The following OPRM1 variants were observed in gnomAD, a reference collection of about 807,000 sequenced individuals.
OPRM1 encodes mu-type opioid receptor.
In OPRM1, 27 loss-of-function variants were observed where a neutral mutation model predicts 31.8. The ratio of observed to expected loss-of-function variants is 0.85; its 90% CI spans 0.63 to 1.17. OPRM1 has a LOEUF of 1.17. OPRM1 is among the 50% of genes most tolerant of loss of function. The probability of loss-of-function intolerance (pLI) is 0.00; values close to 1 mark genes in which losing one functional copy is unlikely to be tolerated. For synonymous variants in OPRM1, 196 were observed against 189.9 expected, an observed-to-expected ratio of 1.03 and a Z score of -0.26; for missense variants, 536 against 511.1, an observed-to-expected ratio of 1.05 and a Z score of -0.47.
intron 3 of OPRM1, among the ~76,000 whole-genome samples, chr6:154,099,413 AG>A (rs1282286185): frequency 6.6e-5 from 5 of 76,234 alleles, no homozygotes; most frequent in South Asian, 1.6e-3. Context: ...AGAAAGAAAG[AG>A]AGAAAGAGAA....
intron 1 of OPRM1, among the ~76,000 whole-genome samples, chr6:154,062,001 C>T (rs1196615434): frequency 1.3e-5 from 2 of 151,966 alleles, no homozygotes; most frequent in Non-Finnish European, 2.9e-5. Flanking sequence ...TTGTCTTTAG[C>T]TAGGAAAAGT....
chr6:154,152,374 AAG>A (rs1798556046), intron 3 of OPRM1, among the ~76,000 whole-genome samples: 1 of 149,816 alleles, frequency 6.7e-6, no homozygotes, highest in East Asian at 1.9e-4. Flanking sequence ...GAAAGAAAGA[AAG>A]AAAGAAAGAA....
chr6:154,023,716 T>G (rs1778520782), intron 1 of OPRM1, among the ~76,000 whole-genome samples: 1 of 152,152 alleles, frequency 6.6e-6, no homozygotes, highest in Non-Finnish European at 1.5e-5. Flanking sequence ...TGTCGAGGTA[T>G]GTTCCTTCTA....
intron 3 of OPRM1, among the ~76,000 whole-genome samples, chr6:154,140,192 G>A (rs1798160808): frequency 6.6e-6 from 1 of 152,122 alleles, no homozygotes; most frequent in African/African-American, 2.4e-5. Flanking sequence ...CGCAACAAAA[G>A]AACCACAGCT....
rs182761901 is a variant in OPRM1 at position 154,118,783 on chromosome 6, G to T, written c.*62G>T. The T allele has an allele frequency of 2.5e-5, 40 of 1,605,506 alleles. No individual in the cohort carries two copies. The East Asian group carries it at 8.3e-4, about 33-fold the overall frequency. On this transcript the variant is annotated 3_prime_UTR_variant, in exon 4 of 4. Coordinates refer to ENST00000330432, the MANE Select transcript of OPRM1 (RefSeq NM_000914.5). ...GAAGCCACCATGTATGTGGAAGCAG[G>T]TTGCTTCAAGAATGTGTAGGAGGCT...
At chr6:154,092,324 T>C (rs1792454319) in intron 3 of OPRM1, among the ~76,000 whole-genome samples, 2 of 152,342 alleles carry the variant, frequency 1.3e-5, no homozygotes, top group East Asian at 3.9e-4. Flanking sequence ...ATTTGACCTC[T>C]GATCTATAAA....
chr6:154,093,644 A>T, intron 3 of OPRM1: 1 of 1,027,794 alleles, frequency 9.7e-7, no homozygotes, highest in Non-Finnish European at 1.3e-6. Flanking sequence ...TCTATGAAGC[A>T]GTATCAGTGT....
chr6:154,034,750 G>GGGCT (rs1779203911), upstream of OPRM1, among the ~76,000 whole-genome samples: 1 of 152,052 alleles, frequency 6.6e-6, no homozygotes, highest in Non-Finnish European at 1.5e-5. Context: ...AAGTGATAAG[G>GGGCT]GGCTGTACTA....
chr6:154,095,968 G>A (rs1473601215), intron 3 of OPRM1, among the ~76,000 whole-genome samples: 1 of 152,108 alleles, frequency 6.6e-6, no homozygotes, highest in Non-Finnish European at 1.5e-5. Flanking sequence ...TGAACTGTTG[G>A]CCACTGCTAA....
At chr6:154,069,546 G>A (rs1343379867) in intron 1 of OPRM1, among the ~76,000 whole-genome samples, 1 of 152,146 alleles carries the variant, frequency 6.6e-6, no homozygotes, top group African/African-American at 2.4e-5. Context: ...CCTGGCCTGT[G>A]CTTTTAAGGT....
Position 154,090,945 on chromosome 6 carries a change from C to G in OPRM1, c.644-7C>G. On this transcript the variant is annotated splice_polypyrimidine_tract_variant and splice_region_variant and intron_variant, in intron 2 of 3. Coordinates refer to ENST00000330432, the MANE Select transcript of OPRM1 (RefSeq NM_000914.5). ...GCTAATTTTTCCTTTAAATTCCTTT[C>G]TTCTAGGTTCCATAGATTGTACACT... is the stretch of plus-strand genomic sequence containing the variant. 6.2e-7 allele frequency: 1 copy of G among 1,605,748 alleles called. No homozygotes were observed. The highest frequency in any genetic ancestry group is 1.1e-5 in the South Asian group (1 of 89,838).
intron 3 of OPRM1, among the ~76,000 whole-genome samples, chr6:154,151,253 A>T (rs1479120224): frequency 6.6e-6 from 1 of 152,204 alleles, no homozygotes; most frequent in African/African-American, 2.4e-5. Context: ...GATTTATTGA[A>T]GGAATGCTTT....
chr6:154,094,368 G>A, intron 3 of OPRM1: 2 of 490,100 alleles, frequency 4.1e-6, no homozygotes, highest in South Asian at 1.5e-5. Flanking sequence ...TAAGCTTAGA[G>A]TCATACTTAC....
Position 154,124,506 on chromosome 6 carries a change from T to A in OPRM1, c.*5785T>A, listed in dbSNP as rs1229892548. Among the ~76,000 whole-genome samples the A allele has an allele frequency of 6.6e-6, 1 of 152,176 alleles. No homozygotes were observed. The highest frequency in any genetic ancestry group is 2.4e-5 in the African/African-American group (1 of 41,444). ...GGTGGGATGTTAGAGCTCTAGACATTAATTCCTAGGAATCGCATACCTACG... is the reference window on the plus strand; with the variant it reads ...GGTGGGATGTTAGAGCTCTAGACATAAATTCCTAGGAATCGCATACCTACG... On this transcript the variant is annotated 3_prime_UTR_variant, in exon 4 of 4. Coordinates refer to ENST00000330432, the MANE Select transcript of OPRM1 (RefSeq NM_000914.5).
chr6:154,117,494 A>G (rs648893), intron 3 of OPRM1, among the ~76,000 whole-genome samples: 27,460 of 152,166 alleles, frequency 0.18, 2,980 homozygotes, highest in Non-Finnish European at 0.25. Flanking sequence ...ACAAGGCAAT[A>G]CGATGGGACC....
chr6:154,080,647 G>A (rs1050190846), intron 1 of OPRM1, among the ~76,000 whole-genome samples: 3 of 151,884 alleles, frequency 2.0e-5, no homozygotes, highest in African/African-American at 7.3e-5. Context: ...TTTCCATTCT[G>A]CATCACAGCA....
intron 3 of OPRM1, among the ~76,000 whole-genome samples, chr6:154,167,000 G>T (rs2128553082): frequency 6.6e-6 from 1 of 152,166 alleles, no homozygotes; most frequent in South Asian, 2.1e-4. Context: ...CTTTTAGGGT[G>T]TTCAGATGTT....
intron 1 of OPRM1, among the ~76,000 whole-genome samples, chr6:154,056,679 C>T (rs1157695978): frequency 1.3e-5 from 2 of 151,900 alleles, no homozygotes; most frequent in Non-Finnish European, 2.9e-5. Context: ...AAGGGAAGGC[C>T]TCTTTGTTTC....
chr6:154,156,718 G>A (rs556003187), intron 3 of OPRM1: 1 of 152,204 alleles, frequency 6.6e-6, no homozygotes, highest in South Asian at 2.1e-4. Flanking sequence ...TCTGAGATTT[G>A]AGCTGTTGTG....
Sources: gnomAD v4.1 joint callset for allele counts (sites outside exome capture counted in the v4.1 genomes callset) on GRCh38, gnomAD v4.1.1 for gene constraint, MANE v1.5 for transcripts, NCBI Gene and HGNC (gene_info 2026-07-23, HGNC 2026-07-21) for gene names.